Variants in LRP1B observed in about 807,000 individuals in gnomAD.
LRP1B encodes low-density lipoprotein receptor-related protein 1B.
In LRP1B, 217 loss-of-function variants were observed where a neutral mutation model predicts 556.6. The ratio of observed to expected loss-of-function variants is 0.39; its 90% CI spans 0.35 to 0.44. LRP1B has a LOEUF of 0.44. Among genes scored for constraint, LRP1B ranks in the 20% least tolerant of loss-of-function variants. The pLI is 1.00. For synonymous variants in LRP1B, 2,047 were observed against 1,865.8 expected (o/e 1.10, Z -2.50); for missense variants, 5,053 against 5,620.8 (o/e 0.90, Z 3.23).
intron 27 of LRP1B, among the ~76,000 whole-genome samples, chr2:140,860,083 G>T (rs1163291806): frequency 6.6e-6 from 1 of 152,148 alleles, no homozygotes; most frequent in Non-Finnish European, 1.5e-5. Context: ...AAAAGACTCA[G>T]TCAAGATCAC....
chr2:140,857,730 C>T (rs900523955), intron 27 of LRP1B, among the ~76,000 whole-genome samples: 6 of 152,030 alleles, frequency 3.9e-5, no homozygotes, highest in African/African-American at 1.4e-4. Flanking sequence ...GGTATCTCTA[C>T]AGAGAGAGTT....
chr2:141,467,132 A>G (rs201408672), intron 3 of LRP1B, among the ~76,000 whole-genome samples: 10,037 of 29,802 alleles, frequency 0.34, 980 homozygotes, highest in East Asian at 0.45. Flanking sequence ...ATCTATATAT[A>G]TATATATATA....
chr2:141,433,566 G>A, intron 3 of LRP1B, among the ~76,000 whole-genome samples: 1 of 152,058 alleles, frequency 6.6e-6, no homozygotes, highest in South Asian at 2.1e-4. Flanking sequence ...TTGATAGATT[G>A]TCTGAATTTT....
At chr2:141,067,148 A>G (rs1333712697) in intron 7 of LRP1B, among the ~76,000 whole-genome samples, 2 of 152,018 alleles carry the variant, frequency 1.3e-5, no homozygotes, top group East Asian at 3.9e-4. Context: ...AACTTGAACA[A>G]GAAAGTAATT....
intron 20 of LRP1B, among the ~76,000 whole-genome samples, chr2:140,935,761 G>A (rs1277324587): frequency 6.6e-6 from 1 of 152,012 alleles, no homozygotes; most frequent in East Asian, 1.9e-4. Flanking sequence ...AGCGGCAAGT[G>A]AGAAGATACT....
At chr2:140,445,201 T>C (rs1024512543) in intron 63 of LRP1B, among the ~76,000 whole-genome samples, 2 of 152,054 alleles carry the variant, frequency 1.3e-5, no homozygotes, top group East Asian at 3.9e-4. Context: ...CTGCAACCTC[T>C]GTCTCCCATG....
chr2:142,050,515 A>T (rs1205391084), intron 1 of LRP1B, among the ~76,000 whole-genome samples: 1 of 152,170 alleles, frequency 6.6e-6, no homozygotes, highest in African/African-American at 2.4e-5. Flanking sequence ...ATATCAAGAC[A>T]TCACATATCC....
chr2:140,891,707 G>A (rs1693804240), intron 23 of LRP1B, among the ~76,000 whole-genome samples: 1 of 152,114 alleles, frequency 6.6e-6, no homozygotes, highest in African/African-American at 2.4e-5. Flanking sequence ...TATTTCTGAA[G>A]TATAATATAC....
At chr2:141,657,705 G>C (rs1469973267) in intron 2 of LRP1B, among the ~76,000 whole-genome samples, 1 of 152,152 alleles carries the variant, frequency 6.6e-6, no homozygotes, top group Non-Finnish European at 1.5e-5. Context: ...TATTTTTGGT[G>C]AATGTAGGAA....
chr2:140,594,444 T>C (rs546797975), intron 43 of LRP1B, among the ~76,000 whole-genome samples: 3 of 152,298 alleles, frequency 2.0e-5, no homozygotes, highest in African/African-American at 7.2e-5. Context: ...GTTTTGAAAA[T>C]TTACTTGACT....
At chr2:140,675,824 A>G (rs1009772524) in intron 41 of LRP1B, among the ~76,000 whole-genome samples, 1 of 152,322 alleles carries the variant, frequency 6.6e-6, no homozygotes, top group African/African-American at 2.4e-5. Context: ...GTGTGTGTGC[A>G]TACACATATA....
intron 27 of LRP1B, among the ~76,000 whole-genome samples, chr2:140,855,902 TTTTA>T (rs1189799418): frequency 1.3e-5 from 2 of 152,170 alleles, no homozygotes; most frequent in Non-Finnish European, 2.9e-5. Flanking sequence ...CAAAGCATTT[TTTTA>T]TTTCATTTTC....
chr2:140,469,607 T>G (rs555003860), intron 60 of LRP1B, among the ~76,000 whole-genome samples: 2 of 152,216 alleles, frequency 1.3e-5, no homozygotes, highest in Non-Finnish European at 2.9e-5. Flanking sequence ...TTTTGTGTGT[T>G]TTTTCCTCAT....
At chr2:141,645,807 A>G (rs971837754) in intron 2 of LRP1B, among the ~76,000 whole-genome samples, 8 of 152,090 alleles carry the variant, frequency 5.3e-5, no homozygotes, top group Non-Finnish European at 8.8e-5. Flanking sequence ...AAGGATAAAT[A>G]CAAAACATGT....
At chr2:141,641,187 TAGCTGGGTAGCTC>T (rs1558773824) in intron 2 of LRP1B, among the ~76,000 whole-genome samples, 2 of 138,212 alleles carry the variant, frequency 1.4e-5, no homozygotes, top group South Asian at 2.2e-4. Context: ...GCCGGTAGTA[TAGCTGGGTAGCTC>T]AGTTGGTTAC....
Position 140,457,647 on chromosome 2 carries a change from A to G in LRP1B, c.9630T>C (p.Pro3210=), listed in dbSNP as rs2105324417. The G allele has an allele frequency of 6.2e-7, 1 of 1,611,800 alleles. No homozygotes were observed. The highest frequency in any genetic ancestry group is 8.5e-7 in the Non-Finnish European group (1 of 1,178,016). The change falls in exon 61 of 91, where the codon CCT becomes CCC. Residue 3210 remains proline, a synonymous_variant. Transcript: ENST00000389484. The part of the protein sequence containing the change: ...NMDGSHRHKV[P]NQDIPGVIAL... ...CAATCACCCCTGGAATATCTTGATTAGGGACTGTAATAGGAGATGGTAAGA... is the reference window on the plus strand; with the variant it reads ...CAATCACCCCTGGAATATCTTGATTGGGGACTGTAATAGGAGATGGTAAGA...
chr2:141,058,519 C>G (rs1053161699), intron 9 of LRP1B, among the ~76,000 whole-genome samples: 2 of 151,744 alleles, frequency 1.3e-5, no homozygotes, highest in Admixed American at 1.3e-4. Flanking sequence ...AAACACTGGA[C>G]AGATACTTCA....
intron 3 of LRP1B, among the ~76,000 whole-genome samples, chr2:141,336,032 G>C (rs911243413): frequency 5.2e-5 from 7 of 135,466 alleles, no homozygotes; most frequent in Non-Finnish European, 1.1e-4. Flanking sequence ...ATCTCAGATA[G>C]TTCAAATCTA....
intron 62 of LRP1B, among the ~76,000 whole-genome samples, chr2:140,453,539 A>C (rs1254581856): frequency 6.6e-6 from 1 of 152,128 alleles, no homozygotes; most frequent in Non-Finnish European, 1.5e-5. Flanking sequence ...TAAAGAACCT[A>C]CTAAATATGT....
Sources: allele counts gnomAD v4.1 joint callset (sites outside exome capture counted in the v4.1 genomes callset), GRCh38; gene constraint gnomAD v4.1.1; transcripts MANE v1.5; gene names NCBI Gene and HGNC (gene_info 2026-07-23, HGNC 2026-07-21).